Variants in LYPD6 observed in about 807,000 individuals in gnomAD.
The protein encoded by LYPD6 is ly6/PLAUR domain-containing protein 6.
LYPD6 carries 15 observed loss-of-function variants against 22.7 expected under a neutral mutation model. The ratio of observed to expected loss-of-function variants is 0.66; its 90% CI spans 0.44 to 1.02. LYPD6 has a LOEUF of 1.02. LYPD6 is among the 50% of genes least tolerant of loss of function. The pLI is 0.00. For synonymous variants in LYPD6, 72 were observed against 77.5 expected, an observed-to-expected ratio of 0.93 and a Z score of 0.37; for missense variants, 189 against 208.4, an observed-to-expected ratio of 0.91 and a Z score of 0.57.
chr2:149,392,434 T>C (rs141357784), intron 1 of LYPD6, among the ~76,000 whole-genome samples: 2 of 152,140 alleles, frequency 1.3e-5, no homozygotes, highest in African/African-American at 4.8e-5. Flanking sequence ...CTCAGTGGTT[T>C]GTTTGGACTG....
chr2:149,341,721 C>G (rs1681165100), intron 1 of LYPD6, among the ~76,000 whole-genome samples: 1 of 152,168 alleles, frequency 6.6e-6, no homozygotes, highest in African/African-American at 2.4e-5. Context: ...CACAGTCTCT[C>G]TGCTTCTAAG....
At chr2:149,379,389 A>G (rs1034049830) in intron 1 of LYPD6, among the ~76,000 whole-genome samples, 3 of 152,224 alleles carry the variant, frequency 2.0e-5, no homozygotes, top group African/African-American at 7.2e-5. Flanking sequence ...CAAACCACTT[A>G]CCTTAAATGT....
intron 1 of LYPD6, among the ~76,000 whole-genome samples, chr2:149,388,664 C>T (rs941218560): frequency 4.6e-5 from 7 of 152,096 alleles, no homozygotes; most frequent in African/African-American, 1.2e-4. Context: ...GAGGGAGAGT[C>T]GTAATTCTTG....
intron 1 of LYPD6, among the ~76,000 whole-genome samples, chr2:149,348,256 A>T (rs1322874550): frequency 6.6e-6 from 1 of 152,194 alleles, no homozygotes; most frequent in African/African-American, 2.4e-5. Flanking sequence ...ACCACAAAAA[A>T]TTCCTGTCCT....
intron 1 of LYPD6, among the ~76,000 whole-genome samples, chr2:149,380,515 C>T (rs1682036218): frequency 6.6e-6 from 1 of 152,114 alleles, no homozygotes; most frequent in South Asian, 2.1e-4. Context: ...ATAGTCCAAG[C>T]ATTTTGGCCT....
intron 3 of LYPD6, among the ~76,000 whole-genome samples, chr2:149,455,683 C>T (rs982205251): frequency 9.9e-5 from 15 of 152,230 alleles, no homozygotes; most frequent in African/African-American, 3.6e-4. Flanking sequence ...CCAGTTGCCT[C>T]AGCTGGGATG....
At chr2:149,343,597 A>G (rs1681201546) in intron 1 of LYPD6, among the ~76,000 whole-genome samples, 1 of 152,204 alleles carries the variant, frequency 6.6e-6, no homozygotes, top group South Asian at 2.1e-4. Context: ...GGCAAGTGAA[A>G]GCTGGGGGAA....
intron 1 of LYPD6, among the ~76,000 whole-genome samples, chr2:149,348,736 A>G (rs1427326384): frequency 6.6e-6 from 1 of 152,232 alleles, no homozygotes; most frequent in African/African-American, 2.4e-5. Flanking sequence ...AAAATTCTGC[A>G]CTGAGGAATG....
chr2:149,397,943 A>G (rs546624885), intron 1 of LYPD6, among the ~76,000 whole-genome samples: 2 of 152,356 alleles, frequency 1.3e-5, no homozygotes, highest in Admixed American at 1.3e-4. Flanking sequence ...TGAAAAAAAT[A>G]AAATATCCTC....
downstream of LYPD6, among the ~76,000 whole-genome samples, chr2:149,476,048 A>G (rs1335826858): frequency 6.6e-6 from 1 of 152,174 alleles, no homozygotes; most frequent in African/African-American, 2.4e-5. Context: ...ACCTGCTTAG[A>G]TTTATACAGG....
chr2:149,358,156 A>G (rs1282700588), intron 1 of LYPD6, among the ~76,000 whole-genome samples: 1 of 152,156 alleles, frequency 6.6e-6, no homozygotes, highest in East Asian at 1.9e-4. Flanking sequence ...TAGTGAATAA[A>G]CAAAATAATG....
chr2:149,386,907 C>T (rs1682200275), intron 1 of LYPD6, among the ~76,000 whole-genome samples: 1 of 152,128 alleles, frequency 6.6e-6, no homozygotes, highest in Admixed American at 6.5e-5. Context: ...ATCTTTAAAT[C>T]ATCCTTGCAT....
intron 1 of LYPD6, among the ~76,000 whole-genome samples, chr2:149,404,666 A>G (rs1682652645): frequency 5.3e-5 from 8 of 152,234 alleles, no homozygotes; most frequent in Admixed American, 4.6e-4. Context: ...ATATACAATC[A>G]TGTCGTCTGC....
At chr2:149,439,303 G>A (rs1025744023) in intron 2 of LYPD6, among the ~76,000 whole-genome samples, 2 of 152,126 alleles carry the variant, frequency 1.3e-5, no homozygotes, top group South Asian at 2.1e-4. Context: ...GACTTATCTG[G>A]CTGCTTGTTT....
chr2:149,357,611 C>T (rs1681472505), intron 1 of LYPD6, among the ~76,000 whole-genome samples: 1 of 152,162 alleles, frequency 6.6e-6, no homozygotes, highest in Non-Finnish European at 1.5e-5. Flanking sequence ...CTCACTACAG[C>T]ATGAACTTTA....
chr2:149,371,001 A>G (rs540859924), intron 1 of LYPD6, among the ~76,000 whole-genome samples: 1 of 152,304 alleles, frequency 6.6e-6, no homozygotes, highest in Admixed American at 6.5e-5. Context: ...ACTGTACAAG[A>G]ATTAGAAAGC....
intron 1 of LYPD6, among the ~76,000 whole-genome samples, chr2:149,421,579 G>A (rs1468191732): frequency 6.6e-6 from 1 of 152,056 alleles, no homozygotes; most frequent in East Asian, 1.9e-4. Context: ...GGTCGAAAAT[G>A]ATGGGATAGT....
chr2:149,426,049 C>T (rs1683182062), intron 1 of LYPD6, among the ~76,000 whole-genome samples: 1 of 152,194 alleles, frequency 6.6e-6, no homozygotes, highest in Non-Finnish European at 1.5e-5. Flanking sequence ...TAGAAGTTGG[C>T]TGCTAATGAA....
intron 1 of LYPD6, among the ~76,000 whole-genome samples, chr2:149,433,773 C>G (rs1400156789): frequency 6.6e-6 from 1 of 152,166 alleles, no homozygotes; most frequent in Non-Finnish European, 1.5e-5. Context: ...GGGTCCATTT[C>G]CCAGCAGCCC....
Sources: gnomAD v4.1 joint callset for allele counts (sites outside exome capture counted in the v4.1 genomes callset) on GRCh38, gnomAD v4.1.1 for gene constraint, MANE v1.5 for transcripts, NCBI Gene and HGNC (gene_info 2026-07-23, HGNC 2026-07-21) for gene names.